CELSR1: variants seen among roughly 807,000 people sequenced by gnomAD.
The protein encoded by CELSR1 is adhesion G protein-coupled receptor C1.
In CELSR1, 110 loss-of-function variants were observed where a neutral mutation model predicts 249.1. That is an observed-to-expected ratio of 0.44 (90% CI 0.38 to 0.52). The LOEUF (loss-of-function observed/expected upper bound fraction) is 0.52. Ranked by LOEUF, CELSR1 falls within the 20% of genes least tolerant of loss-of-function variation. CELSR1 has a pLI of 0.00. For synonymous variants in CELSR1, 2,113 were observed against 1,900.0 expected (o/e 1.11, Z -2.92); for missense variants, 4,109 against 4,296.4 (o/e 0.96, Z 1.22).
Position 46,500,270 on chromosome 22 carries a change from G to A in CELSR1, c.3544+33357C>T, listed in dbSNP as rs940028220. 3.3e-5 allele frequency among the ~76,000 whole-genome samples: 5 copies of A among 152,090 alleles called. No individual in the cohort carries two copies. Among genetic ancestry groups the A allele is most frequent in the African/African-American group, 9.7e-5 (4 of 41,402 alleles). Reference sequence around the variant, plus strand: ...GGACTCAAGGAAGGGACATAACTGCGACAAAACCCTGGCGCCCGGTTTTCA... The same window carrying A: ...GGACTCAAGGAAGGGACATAACTGCAACAAAACCCTGGCGCCCGGTTTTCA... On this transcript the variant is annotated intron_variant, in intron 1 of 34. Coordinates refer to ENST00000674500, the MANE Select transcript of CELSR1 (RefSeq NM_001378328.1). The surrounding 1 kb of genome is among the most constrained non-coding windows in gnomAD (Gnocchi z 4.9).
chr22:46,392,936 A>G (rs1001081085), intron 14 of CELSR1, among the ~76,000 whole-genome samples: 6 of 152,066 alleles, frequency 3.9e-5, no homozygotes, highest in African/African-American at 1.4e-4. Context: ...TCTGCCACCC[A>G]CTATGCCACC....
intron 1 of CELSR1, among the ~76,000 whole-genome samples, chr22:46,499,988 T>C (rs1428478194): frequency 1.3e-5 from 2 of 152,092 alleles, no homozygotes; most frequent in African/African-American, 4.8e-5. Context: ...TGAATGTCCA[T>C]TTCCACCCCA....
chr22:46,463,399 C>T (rs3788700), intron 2 of CELSR1, among the ~76,000 whole-genome samples: 1 of 152,186 alleles, frequency 6.6e-6, no homozygotes, highest in Non-Finnish European at 1.5e-5. Flanking sequence ...GCCTGCAACC[C>T]CAGCTACTCG....
chr22:46,388,102 A>C (rs2079050815), intron 18 of CELSR1, among the ~76,000 whole-genome samples: 1 of 152,114 alleles, frequency 6.6e-6, no homozygotes, highest in South Asian at 2.1e-4. Context: ...TAATCCCAAC[A>C]CTTTGGGTGG....
In CELSR1 at chr22:46,382,017, G is replaced by T; in HGVS notation, c.6917C>A (p.Thr2306Asn). The T allele has an allele frequency of 6.4e-7, 1 of 1,557,032 alleles. No individual in the cohort carries two copies. The highest frequency in any genetic ancestry group is 8.7e-7 in the Non-Finnish European group (1 of 1,152,200). ...GPLLRPAGRRTTPQTTRPGPG... is the reference protein window; with the variant it reads ...GPLLRPAGRRNTPQTTRPGPG... The stretch of plus-strand genomic sequence containing the variant: ...CCCCGGGCGCGTGGTCTGCGGGGTG[G>T]TCCTCCGGCCAGCCGGCCTCAGCAG... Residue 2306 changes from threonine to asparagine, a missense_variant, in exon 21 of 35, where the codon ACC (threonine) becomes AAC (asparagine). Coordinates refer to ENST00000674500, the MANE Select transcript of CELSR1 (RefSeq NM_001378328.1).
Position 46,384,459 on chromosome 22 carries a change from G to A in CELSR1, c.6883+84C>T, listed in dbSNP as rs540866430. 523 of 1,449,116 alleles carry A rather than the reference G, an allele frequency of 3.6e-4. 1 individual carries two copies. The African/African-American group carries it at 6.5e-3, about 18-fold the overall frequency. The allele number at this position is 1,449,116 out of a possible 1,614,324, so 89.8% of individuals were successfully genotyped here. On this transcript the variant is annotated intron_variant, in intron 20 of 34. Coordinates refer to ENST00000674500, the MANE Select transcript of CELSR1 (RefSeq NM_001378328.1). ...TCTGGCCCAGATCTTCAGTGCGCAG[G>A]TCCTGCGATGCCCGCAGCGGGGCCC...
rs781590962 is a variant in CELSR1, at chr22:46,391,776, G to A, written c.6005C>T (p.Pro2002Leu). The change falls in exon 15 of 35, where the codon CCC (proline) becomes CTC (leucine). Residue 2002 changes from proline (P) to leucine (L), a missense_variant. Transcript: ENST00000674500. The surrounding 1 kb of genome is among the most constrained non-coding windows in gnomAD (Gnocchi z 4.3). ...YKLLAQDTCL[P>L]CDCFPHGSHS... ...GGAGCCATGGGGGAAGCAGTCGCAG[G>A]GCAGACAGGTGTCCTGGGCTAGGAG... The A allele has an allele frequency of 2.5e-6, 4 of 1,612,804 alleles. No individual in the cohort carries two copies. The Admixed American group carries it at 6.7e-5, about 27-fold the overall frequency.
At chr22:46,481,617 G>C in intron 1 of CELSR1, 1 of 705,688 alleles carries the variant, frequency 1.4e-6, no homozygotes, top group Non-Finnish European at 2.6e-6. Flanking sequence ...AGGCCTGACT[G>C]TCCTCACAAC....
At chr22:46,439,724 C>T (rs1217741139) in intron 2 of CELSR1, among the ~76,000 whole-genome samples, 2 of 152,092 alleles carry the variant, frequency 1.3e-5, no homozygotes, top group Non-Finnish European at 2.9e-5. Flanking sequence ...CCTCCAACCC[C>T]GTTCTGAGCA....
At position 46,488,896 on chromosome 22, in the gene CELSR1, T is replaced by C. The variant is rs2080341645; in HGVS notation, c.3545-24551A>G. On this transcript the variant is annotated intron_variant, in intron 1 of 34. Coordinates refer to ENST00000674500, the MANE Select transcript of CELSR1 (RefSeq NM_001378328.1). The surrounding 1 kb of genome is among the most constrained non-coding windows in gnomAD (Gnocchi z 4.7). ...GGATGGTCTCGATCTCCTGACCTCA[T>C]GATCCGCCTGCCTCGGCTTCCCAAA... 6.6e-6 allele frequency among the ~76,000 whole-genome samples: 1 copy of C among 151,822 alleles called. No individual in the cohort carries two copies.
rs11912224 is a variant in CELSR1, at chr22:46,475,110, C to T, written c.3545-10765G>A. ...CACTTATTCACTTAACATCCTTCCT[C>T]GTCTCCTAAATTATAAAATCCTAGA... is the stretch of plus-strand genomic sequence containing the variant. On this transcript the variant is annotated intron_variant, in intron 1 of 34. Transcript: ENST00000674500. 5.9e-3 allele frequency among the ~76,000 whole-genome samples: 896 copies of T among 152,264 alleles called. 8 individuals are homozygous for T. Among genetic ancestry groups the T allele is most frequent in the African/African-American group, 0.021 (862 of 41,552 alleles).
intron 2 of CELSR1, among the ~76,000 whole-genome samples, chr22:46,453,734 C>G (rs113523853): frequency 0.042 from 6,421 of 152,280 alleles, 230 homozygotes; most frequent in Admixed American, 0.086. Flanking sequence ...TTCGGACTCT[C>G]CAGCAGCTCC....
In CELSR1 at chr22:46,534,624, C is replaced by T. The variant is rs2080829972; in HGVS notation, c.2547G>A (p.Glu849=). The change falls in exon 1 of 35, where the codon GAG becomes GAA. Residue 849 remains glutamate (E), a synonymous_variant. Coordinates refer to ENST00000674500, the MANE Select transcript of CELSR1 (RefSeq NM_001378328.1). This position sits in a 1 kb window ranked among gnomAD's most constrained non-coding sequence, Gnocchi z 9.7. ...AGGCGACCTGGTTCTCATAGTCCAG[C>T]TCCATCATGGTGTACATGGTGCCAC... ...PDSGTMYTMM[E]LDYENQVAYT... is the part of the protein sequence containing the mutation. The T allele has an allele frequency of 1.2e-6, 2 of 1,613,836 alleles. No homozygotes were observed. The highest frequency in any genetic ancestry group is 2.7e-5 in the African/African-American group (2 of 74,930).
Position 46,454,315 on chromosome 22 carries a change from T to C in CELSR1, c.4183+9392A>G, listed in dbSNP as rs563772867. On this transcript the variant is annotated intron_variant, in intron 2 of 34. Coordinates refer to ENST00000674500, the MANE Select transcript of CELSR1 (RefSeq NM_001378328.1). This position sits in a 1 kb window ranked among gnomAD's most constrained non-coding sequence, Gnocchi z 5.1. ...AATCCGTGCTGCGTTAAGCCCCTCG[T>C]GTGTGGAAATGTTACAGCGGCCACA... is the stretch of plus-strand genomic sequence containing the variant. 1.3e-5 allele frequency among the ~76,000 whole-genome samples: 2 copies of C among 152,182 alleles called. No homozygotes were observed. The highest frequency in any genetic ancestry group is 6.5e-5 in the Admixed American group (1 of 15,300).
In CELSR1 at chr22:46,490,461, A is replaced by G. The variant is rs1324412846; in HGVS notation, c.3545-26116T>C. Among the ~76,000 whole-genome samples the G allele has an allele frequency of 6.6e-6, 1 of 151,734 alleles. No homozygotes were observed. The highest frequency in any genetic ancestry group is 1.9e-4 in the East Asian group (1 of 5,146). On this transcript the variant is annotated intron_variant, in intron 1 of 34. Coordinates refer to ENST00000674500, the MANE Select transcript of CELSR1 (RefSeq NM_001378328.1). The surrounding 1 kb of genome is among the most constrained non-coding windows in gnomAD (Gnocchi z 5.2). ...ACCATCTCGTCTGGCTAATTTTTGT[A>G]TTTTTAGTAGAGACGGGGTTTCACC...
chr22:46,508,799 G>A (rs537921532), intron 1 of CELSR1, among the ~76,000 whole-genome samples: 8 of 152,210 alleles, frequency 5.3e-5, no homozygotes, highest in South Asian at 4.1e-4. Context: ...CGCCTGCCGC[G>A]TGAGAATGGT....
intron 1 of CELSR1, among the ~76,000 whole-genome samples, chr22:46,510,789 G>T (rs758228585): frequency 1.3e-5 from 2 of 152,160 alleles, no homozygotes; most frequent in African/African-American, 4.8e-5. Flanking sequence ...AACTTCTAGT[G>T]CTCCTGATAA....
rs528955767 is a variant in CELSR1, at chr22:46,454,707, G to A, written c.4183+9000C>T. The stretch of plus-strand genomic sequence containing the variant: ...GAAACCCTCTGCTCCTGCGCTTAGC[G>A]TTCGCAAAGGTAAACACATCGCAGA... On this transcript the variant is annotated intron_variant, in intron 2 of 34. Coordinates refer to ENST00000674500, the MANE Select transcript of CELSR1 (RefSeq NM_001378328.1). The surrounding 1 kb of genome is among the most constrained non-coding windows in gnomAD (Gnocchi z 5.1). 4.1e-4 allele frequency among the ~76,000 whole-genome samples: 63 copies of A among 152,350 alleles called. No individual in the cohort carries two copies. Among genetic ancestry groups the A allele is most frequent in the African/African-American group, 1.2e-3 (49 of 41,572 alleles).
In CELSR1 at chr22:46,469,395, C is replaced by T. The variant is rs548459230; in HGVS notation, c.3545-5050G>A. Among the ~76,000 whole-genome samples the T allele has an allele frequency of 3.9e-5, 6 of 152,364 alleles. No individual in the cohort carries two copies. In the East Asian group the frequency reaches 7.7e-4, roughly 20 times the overall value. On this transcript the variant is annotated intron_variant, in intron 1 of 34. Coordinates refer to ENST00000674500, the MANE Select transcript of CELSR1 (RefSeq NM_001378328.1). ...TGCCCTCCTTCTCAGACACTGGCTACACCCCTGGGTCCCTCGATGGAGGAC... is the reference window on the plus strand; with the variant it reads ...TGCCCTCCTTCTCAGACACTGGCTATACCCCTGGGTCCCTCGATGGAGGAC...
Sources: gnomAD v4.1 joint callset for allele counts (sites outside exome capture counted in the v4.1 genomes callset) on GRCh38, gnomAD v4.1.1 for gene constraint, Gnocchi (gnomAD v3.1) non-coding constraint, MANE v1.5 for transcripts, NCBI Gene and HGNC (gene_info 2026-07-23, HGNC 2026-07-21) for gene names.